Variants in TMTC2 observed in about 807,000 individuals in gnomAD.
TMTC2 encodes protein O-mannosyl-transferase TMTC2.
TMTC2 carries 43 observed loss-of-function variants against 82.4 expected under a neutral mutation model. The ratio of observed to expected loss-of-function variants is 0.52; its 90% CI spans 0.41 to 0.67. TMTC2 has a LOEUF of 0.67. TMTC2 is among the 30% of genes least tolerant of loss of function. The probability of loss-of-function intolerance (pLI) is 0.00; values close to 1 mark genes in which losing one functional copy is unlikely to be tolerated. For missense variants in TMTC2, 919 were observed against 1,012.4 expected, an observed-to-expected ratio of 0.91 and a Z score of 1.25; for synonymous variants, 408 against 381.9, an observed-to-expected ratio of 1.07 and a Z score of -0.80.
intron 11 of TMTC2, among the ~76,000 whole-genome samples, chr12:83,125,755 G>T (rs1885081409): frequency 6.6e-6 from 1 of 152,072 alleles, no homozygotes; most frequent in Non-Finnish European, 1.5e-5. Flanking sequence ...TTTCAGATTT[G>T]GGATAGCCAG....
chr12:82,743,196 A>C (rs1875508101), intron 1 of TMTC2, among the ~76,000 whole-genome samples: 1 of 152,204 alleles, frequency 6.6e-6, no homozygotes, highest in Non-Finnish European at 1.5e-5. Context: ...TAATCCCAGC[A>C]CTTTGGGAGG....
At chr12:82,971,313 A>T in intron 7 of TMTC2, among the ~76,000 whole-genome samples, 1 of 152,236 alleles carries the variant, frequency 6.6e-6, no homozygotes, top group South Asian at 2.1e-4. Context: ...TGCACTTAAA[A>T]ATTAGCAAAA....
chr12:83,098,822 C>T (rs1316778066), intron 11 of TMTC2, among the ~76,000 whole-genome samples: 1 of 152,168 alleles, frequency 6.6e-6, no homozygotes, highest in East Asian at 1.9e-4. Context: ...TTTTACCCTT[C>T]TATTCCTTTG....
chr12:82,907,224 G>A (rs1874366236), intron 3 of TMTC2, among the ~76,000 whole-genome samples: 1 of 152,096 alleles, frequency 6.6e-6, no homozygotes, highest in South Asian at 2.1e-4. Flanking sequence ...AGCACTTTGG[G>A]AGGCCAAGTC....
chr12:83,078,770 C>G (rs969276752), intron 11 of TMTC2, among the ~76,000 whole-genome samples: 7 of 152,082 alleles, frequency 4.6e-5, no homozygotes, highest in Non-Finnish European at 1.0e-4. Flanking sequence ...TATTCTGTCA[C>G]TTTCTTTAAT....
Position 82,805,925 on chromosome 12 carries a change from G to A in TMTC2, c.84-51085G>A, listed in dbSNP as rs556392720. ...TTTATTGAACATCTAGTTGGTGCTA[G>A]ACACTCTACTCGTTCTGGGAATACT... is the stretch of plus-strand genomic sequence containing the variant. On this transcript the variant is annotated intron_variant, in intron 1 of 11. Coordinates refer to ENST00000321196, the MANE Select transcript of TMTC2 (RefSeq NM_152588.3). Among the ~76,000 whole-genome samples, 60 of 152,168 alleles carry A rather than the reference G, an allele frequency of 3.9e-4. 1 individual carries two copies. The South Asian group carries it at 0.012, about 30-fold the overall frequency.
chr12:83,129,352 A>G (rs1374695034), intron 11 of TMTC2, among the ~76,000 whole-genome samples: 1 of 152,192 alleles, frequency 6.6e-6, no homozygotes, highest in East Asian at 1.9e-4. Context: ...TGGTGTGGAT[A>G]ATGCAAAATT....
intron 8 of TMTC2, among the ~76,000 whole-genome samples, chr12:83,008,548 T>G (rs1036179180): frequency 1.2e-4 from 18 of 152,216 alleles, no homozygotes; most frequent in African/African-American, 4.3e-4. Context: ...ACTTTTTCCA[T>G]TAGAGCACTT....
At chr12:82,779,230 T>C (rs1488578904) in intron 1 of TMTC2, among the ~76,000 whole-genome samples, 2 of 151,782 alleles carry the variant, frequency 1.3e-5, no homozygotes, top group African/African-American at 2.4e-5. Flanking sequence ...GGTGATGATA[T>C]CTGATGGTGG....
chr12:83,090,140 G>A (rs1177860305), intron 11 of TMTC2, among the ~76,000 whole-genome samples: 2 of 152,160 alleles, frequency 1.3e-5, no homozygotes, highest in African/African-American at 2.4e-5. Context: ...TGTTTTAAGT[G>A]TGGCATTAAC....
chr12:82,838,278 T>C (rs1040376763), intron 1 of TMTC2, among the ~76,000 whole-genome samples: 1 of 152,192 alleles, frequency 6.6e-6, no homozygotes, highest in Non-Finnish European at 1.5e-5. Context: ...TGAATTACTC[T>C]CCTATCATTT....
intron 1 of TMTC2, among the ~76,000 whole-genome samples, chr12:82,761,701 G>A (rs1876642012): frequency 6.6e-6 from 1 of 152,024 alleles, no homozygotes; most frequent in Admixed American, 6.5e-5. Flanking sequence ...ATTTCCAGGA[G>A]TCCCATTAAT....
Position 82,712,385 on chromosome 12 carries a change from G to A in TMTC2, c.83+24716G>A, listed in dbSNP as rs564647232. ...GTGGAGGTTGCAGTGAGCCAAGATCGCACCACTGCACTCCAGCCTGGGCAG... is the reference window on the plus strand; with the variant it reads ...GTGGAGGTTGCAGTGAGCCAAGATCACACCACTGCACTCCAGCCTGGGCAG... On this transcript the variant is annotated intron_variant, in intron 1 of 11. Coordinates refer to ENST00000321196, the MANE Select transcript of TMTC2 (RefSeq NM_152588.3). Among the ~76,000 whole-genome samples the A allele has an allele frequency of 2.3e-3, 316 of 137,924 alleles. 1 individual carries two copies. Among genetic ancestry groups the A allele is most frequent in the Non-Finnish European group, 3.8e-3 (251 of 66,244 alleles). The allele number at this position is 137,924 out of a possible 152,430, so 90.5% of individuals were successfully genotyped here. A position where few individuals can be genotyped will look rare whatever the true frequency, so the allele number is the denominator to read the frequency against.
At chr12:83,010,449 C>T (rs569638605) in intron 8 of TMTC2, among the ~76,000 whole-genome samples, 1 of 152,286 alleles carries the variant, frequency 6.6e-6, no homozygotes, top group South Asian at 2.1e-4. Context: ...TGTTGACCAG[C>T]TCTCCTCTTC....
At chr12:82,931,795 A>G (rs1876044217) in intron 4 of TMTC2, among the ~76,000 whole-genome samples, 1 of 152,132 alleles carries the variant, frequency 6.6e-6, no homozygotes, top group Non-Finnish European at 1.5e-5. Flanking sequence ...TCAATTTCAG[A>G]AGGAAAGAGA....
At position 82,870,362 on chromosome 12, in the gene TMTC2, G is replaced by A. The variant is rs143351806; in HGVS notation, c.654+12782G>A. Among the ~76,000 whole-genome samples the A allele has an allele frequency of 3.9e-5, 6 of 152,122 alleles. No individual in the cohort carries two copies. The East Asian group carries it at 9.7e-4, about 24-fold the overall frequency. On this transcript the variant is annotated intron_variant, in intron 2 of 11. Coordinates refer to ENST00000321196, the MANE Select transcript of TMTC2 (RefSeq NM_152588.3). Reference sequence around the variant, plus strand: ...CTTCTGCAAATAACACAAGCTTAACGCAAAGAGACTAAAATCACAGTGTAT... The same window carrying A: ...CTTCTGCAAATAACACAAGCTTAACACAAAGAGACTAAAATCACAGTGTAT...
At chr12:82,865,088 G>T (rs1186711804) in intron 2 of TMTC2, among the ~76,000 whole-genome samples, 1 of 151,126 alleles carries the variant, frequency 6.6e-6, no homozygotes, top group Non-Finnish European at 1.5e-5. Flanking sequence ...GCTGGGCAAG[G>T]TGGAGGGGTG....
intron 7 of TMTC2, among the ~76,000 whole-genome samples, chr12:82,974,111 G>A (rs917356049): frequency 2.0e-5 from 3 of 152,168 alleles, no homozygotes; most frequent in African/African-American, 7.2e-5. Flanking sequence ...GCTCATGCCT[G>A]TAATCCCAGC....
Position 82,985,910 on chromosome 12 carries a change from T to A in TMTC2, c.1949-15T>A. 6.2e-7 allele frequency: 1 copy of A among 1,611,216 alleles called. No homozygotes were observed. The highest frequency in any genetic ancestry group is 8.5e-7 in the Non-Finnish European group (1 of 1,177,932). ...GTATCCTCCCTTTGACCTTCATGAT[T>A]AATTCTCTTTCCAGGTGAAGCATAT... On this transcript the variant is annotated splice_polypyrimidine_tract_variant and intron_variant, in intron 7 of 11. Transcript: ENST00000321196.
Sources: allele counts gnomAD v4.1 joint callset (sites outside exome capture counted in the v4.1 genomes callset), GRCh38; gene constraint gnomAD v4.1.1; transcripts MANE v1.5; gene names NCBI Gene and HGNC (gene_info 2026-07-23, HGNC 2026-07-21).